Variants in FGFR4 observed in about 807,000 individuals in gnomAD.
The protein encoded by FGFR4 is hydroxyaryl-protein kinase.
A neutral mutation model predicts 89.9 loss-of-function variants in FGFR4; 63 were observed. The observed-to-expected ratio is 0.70, with a 90% CI of 0.57 to 0.86. The LOEUF (loss-of-function observed/expected upper bound fraction) is 0.86. Ranked by LOEUF, FGFR4 falls within the 40% of genes least tolerant of loss-of-function variation. FGFR4 has a pLI of 0.00. For missense variants in FGFR4, 928 were observed against 1,106.7 expected, an observed-to-expected ratio of 0.84 and a Z score of 2.29; for synonymous variants, 486 against 479.4, an observed-to-expected ratio of 1.01 and a Z score of -0.18.
At position 177,096,726 on chromosome 5, in the gene FGFR4, A is replaced by G. The variant is rs780050403; in HGVS notation, c.2138A>G (p.His713Arg). Residue 713 changes from histidine (H) to arginine (R), a missense_variant, in exon 16 of 18, where the codon CAC (histidine) becomes CGC (arginine). Transcript: ENST00000292408. ...GGACATCGGATGGACCGACCCCCAC[A>G]CTGCCCCCCAGAGCTGTGAGGCCTC... ...REGHRMDRPPHCPPELYGLMR... is the reference protein window; with the variant it reads ...REGHRMDRPPRCPPELYGLMR... 11 of 1,583,474 alleles carry G rather than the reference A, an allele frequency of 6.9e-6. No homozygotes were observed. The East Asian group carries it at 2.5e-4, about 35-fold the overall frequency.
chr5:177,093,392 C>G lies in FGFR4; in HGVS notation c.1252-14C>G. Reference sequence around the variant, plus strand: ...CTGACTCCAGCAGGCAGAACCAAGTCTCCCACTTTGCAGTTCTCCCTGGAG... The same window carrying G: ...CTGACTCCAGCAGGCAGAACCAAGTGTCCCACTTTGCAGTTCTCCCTGGAG... On this transcript the variant is annotated splice_polypyrimidine_tract_variant and intron_variant, in intron 9 of 17. Coordinates refer to ENST00000292408, the MANE Select transcript of FGFR4 (RefSeq NM_213647.3). This position sits in a 1 kb window ranked among gnomAD's most constrained non-coding sequence, Gnocchi z 5.8. 1 of 1,614,086 alleles carries G rather than the reference C, an allele frequency of 6.2e-7. No homozygotes were observed. Among genetic ancestry groups the G allele is most frequent in the Non-Finnish European group, 8.5e-7 (1 of 1,179,932 alleles).
intron 8 of FGFR4, 176 bp from the exon 9 acceptor site, chr5:177,092,962 G>A (rs576367362): frequency 8.0e-5 from 103 of 1,281,086 alleles, no homozygotes; most frequent in South Asian, 6.9e-4. Context: ...ACACGTGGCC[G>A]TCCATGTGAC....
rs899749434 is a variant in FGFR4, at chr5:177,090,940, C to A, written c.439C>A (p.Pro147Thr). ...AGGGGCCTTCCCCTGCCCTCCAGCA[C>A]CCTACTGGACACACCCCCAGCGCAT... The part of the protein sequence containing the change: ...SNRHSYPQQA[P>T]YWTHPQRMEK... Residue 147 changes from proline (P) to threonine (T), a missense_variant and splice_region_variant, in exon 5 of 18, where the codon CCC becomes ACC. Physicochemically the swap from Pro to Thr is conservative, Grantham distance 38. This residue lies in a region of FGFR4 where 741 missense variants were observed against 836.9 expected (regional missense o/e 0.89). Coordinates refer to ENST00000292408, the MANE Select transcript of FGFR4 (RefSeq NM_213647.3). The A allele has an allele frequency of 1.2e-6, 2 of 1,613,992 alleles. No homozygotes were observed. The highest frequency in any genetic ancestry group is 1.7e-5 in the Admixed American group (1 of 60,002).
rs1030279061 is a variant in FGFR4 at position 177,093,730 on chromosome 5, G to C, written c.1474G>C (p.Ala492Pro). ...VRAEAFGMDPARPDQASTVAV... is the reference protein window; with the variant it reads ...VRAEAFGMDPPRPDQASTVAV... ...TGCAGAGGCCTTTGGCATGGACCCT[G>C]CCCGGCCTGACCAAGCCAGCACTGT... is the stretch of plus-strand genomic sequence containing the variant. Residue 492 changes from alanine to proline, a missense_variant, in exon 11 of 18, where the codon GCC becomes CCC. Coordinates refer to ENST00000292408, the MANE Select transcript of FGFR4 (RefSeq NM_213647.3). The surrounding 1 kb of genome is among the most constrained non-coding windows in gnomAD (Gnocchi z 5.8). 2 of 1,613,970 alleles carry C rather than the reference G, an allele frequency of 1.2e-6. No homozygotes were observed. The highest frequency in any genetic ancestry group is 1.7e-6 in the Non-Finnish European group (2 of 1,180,008).
At position 177,096,361 on chromosome 5, in the gene FGFR4, A is replaced by C. The variant is rs1463016424; in HGVS notation, c.2015+4A>C. The C allele has an allele frequency of 1.2e-6, 2 of 1,613,898 alleles. No homozygotes were observed. The highest frequency in any genetic ancestry group is 2.2e-5 in the South Asian group (2 of 91,076). On this transcript the variant is annotated splice_donor_region_variant and intron_variant, in intron 15 of 17. Transcript: ENST00000292408. ...TGTACACACACCAGAGTGACGTGTG[A>C]GTCCTGCCGGCGGTCACTGTCCTAC...
chr5:177,089,747 G>C, intron 2 of FGFR4, 54 bp downstream of exon 2: 1 of 1,593,168 alleles, frequency 6.3e-7, no homozygotes, highest in Non-Finnish European at 8.6e-7. Flanking sequence ...TGGGCACCAG[G>C]AGGGGGCTGC....
chr5:177,096,309 TG>T lies in FGFR4; in HGVS notation c.1969del (p.Ala657ArgfsTer65). On this transcript the variant is annotated frameshift_variant, in exon 15 of 18. Transcript: ENST00000292408. LOFTEE classifies it high-confidence loss of function. ...TSNGRLPVKWMAPEALFDRVY... is the reference protein window; with the variant it reads ...TSNGRLPVKWXAPEALFDRVY... Reference sequence around the variant, plus strand: ...CAGGGCCGCCTGCCTGTGAAGTGGATGGCGCCCGAGGCCTTGTTTGACCGGG... The same window carrying T: ...CAGGGCCGCCTGCCTGTGAAGTGGATGCGCCCGAGGCCTTGTTTGACCGGG... 6.2e-7 allele frequency: 1 copy of T among 1,614,070 alleles called. No individual in the cohort carries two copies.
chr5:177,095,289 G>A lies in FGFR4; in HGVS notation c.1520-41G>A. 6.4e-7 allele frequency: 1 copy of A among 1,551,108 alleles called. No homozygotes were observed. The highest frequency in any genetic ancestry group is 8.9e-7 in the Non-Finnish European group (1 of 1,123,032). The stretch of plus-strand genomic sequence containing the variant: ...CTGCCTCTGCATGCTCCCTCGTGCA[G>A]TTGGAGGGCAGCCTCTTCACCCCGT... On this transcript the variant is annotated intron_variant, in intron 11 of 17. Coordinates refer to ENST00000292408, the MANE Select transcript of FGFR4 (RefSeq NM_213647.3). This position sits in a 1 kb window ranked among gnomAD's most constrained non-coding sequence, Gnocchi z 5.7.
In FGFR4 at chr5:177,096,637, C is replaced by T. The variant is rs2149739170; in HGVS notation, c.2049C>T (p.Phe683=). 1.2e-6 allele frequency: 2 copies of T among 1,613,560 alleles called. No homozygotes were observed. The highest frequency in any genetic ancestry group is 2.7e-5 in the African/African-American group (2 of 75,004). Reference sequence around the variant, plus strand: ...TTGGGATCCTGCTATGGGAGATCTTCACCCTCGGGGGCTCCCCGTATCCTG... The same window carrying T: ...TTGGGATCCTGCTATGGGAGATCTTTACCCTCGGGGGCTCCCCGTATCCTG... ...WSFGILLWEI[F]TLGGSPYPGI... Residue 683 remains phenylalanine, a synonymous_variant, in exon 16 of 18, where the codon TTC becomes TTT. Coordinates refer to ENST00000292408, the MANE Select transcript of FGFR4 (RefSeq NM_213647.3).
At chr5:177,096,581 C>A (rs976287628) in intron 15 of FGFR4, 23 bp from the exon 16 acceptor site, 3 of 1,612,898 alleles carry the variant, frequency 1.9e-6, no homozygotes, top group Non-Finnish European at 8.5e-7. Context: ...CTGAGCCACA[C>A]TGAGCCCTGG....
intron 4 of FGFR4, 49 bp downstream of exon 4, chr5:177,090,874 A>G (rs888774380): frequency 2.5e-6 from 4 of 1,613,926 alleles, no homozygotes; most frequent in Non-Finnish European, 3.4e-6. Context: ...TCATCTGATC[A>G]CTGAGAAGAG....
Position 177,093,855 on chromosome 5 carries a change from C to A in FGFR4, c.1519+80C>A. 3 of 1,491,692 alleles carry A rather than the reference C, an allele frequency of 2.0e-6. No homozygotes were observed. Among genetic ancestry groups the A allele is most frequent in the East Asian group, 2.4e-5 (1 of 41,684 alleles). 92.4% of individuals were successfully genotyped at this position (1,491,692 alleles called of 1,614,324 possible). On this transcript the variant is annotated intron_variant, in intron 11 of 17. Transcript: ENST00000292408. This position sits in a 1 kb window ranked among gnomAD's most constrained non-coding sequence, Gnocchi z 5.8. Reference sequence around the variant, plus strand: ...CTGAGGGTGGGAGGATCGCTTGAATCCAGGAATTCGAGGCCAGCCTGGGCA... The same window carrying A: ...CTGAGGGTGGGAGGATCGCTTGAATACAGGAATTCGAGGCCAGCCTGGGCA...
chr5:177,089,734 G>A, intron 2 of FGFR4, 41 bp downstream of exon 2: 2 of 1,603,134 alleles, frequency 1.2e-6, no homozygotes, highest in Non-Finnish European at 1.7e-6. Flanking sequence ...GGGGTGGGAA[G>A]AGTGGGCACC....
At chr5:177,089,753 G>T in intron 2 of FGFR4, 60 bp downstream of exon 2, 1 of 1,581,416 alleles carries the variant, frequency 6.3e-7, no homozygotes, top group Non-Finnish European at 8.6e-7. Context: ...CCAGGAGGGG[G>T]CTGCTGGGCT....
chr5:177,090,304 C>T, intron 2 of FGFR4, 86 bp from the exon 3 acceptor site: 1 of 1,586,032 alleles, frequency 6.3e-7, no homozygotes, highest in South Asian at 1.1e-5. Flanking sequence ...GTGCTTGTGC[C>T]CTGCATGTGC....
In FGFR4 at chr5:177,091,759, A is replaced by G; in HGVS notation, c.678A>G (p.Val226=). Residue 226 remains valine (V), a synonymous_variant, in exon 6 of 18, where the codon GTA becomes GTG. Coordinates refer to ENST00000292408, the MANE Select transcript of FGFR4 (RefSeq NM_213647.3). The part of the protein sequence containing the change: ...PSDRGTYTCL[V]ENAVGSIRYN... The stretch of plus-strand genomic sequence containing the variant: ...ACCGCGGCACATACACCTGCCTGGT[A>G]GAGAACGCTGTGGGCAGCATCCGCT... 1 of 1,614,220 alleles carries G rather than the reference A, an allele frequency of 6.2e-7. No individual in the cohort carries two copies. Among genetic ancestry groups the G allele is most frequent in the East Asian group, 2.2e-5 (1 of 44,888 alleles).
Position 177,087,431 on chromosome 5 carries a change from C to A in FGFR4, c.-54+354C>A, listed in dbSNP as rs895679270. The A allele has an allele frequency of 4.3e-5, 10 of 233,900 alleles. No homozygotes were observed. The South Asian group carries it at 6.3e-4, about 15-fold the overall frequency. The allele number at this position is 233,900 out of a possible 1,614,324, so 14.5% of individuals were successfully genotyped here. A position where few individuals can be genotyped will look rare whatever the true frequency, so the allele number is the denominator to read the frequency against. ...GTCCCTGCGGCTGTCTTCGCGCCGG[C>A]GGCAGAGATGAGGGACCTGAGGCCC... is the stretch of plus-strand genomic sequence containing the variant. On this transcript the variant is annotated intron_variant, in intron 1 of 17. Transcript: ENST00000292408. This position sits in a 1 kb window ranked among gnomAD's most constrained non-coding sequence, Gnocchi z 6.1.
In FGFR4 at chr5:177,093,747, C is replaced by T. The variant is rs759411211; in HGVS notation, c.1491C>T (p.Ala497=). 20 of 1,613,396 alleles carry T rather than the reference C, an allele frequency of 1.2e-5. No individual in the cohort carries two copies. The highest frequency in any genetic ancestry group is 1.7e-5 in the Non-Finnish European group (20 of 1,179,846). The part of the protein sequence containing the change: ...FGMDPARPDQ[A]STVAVKMLKD... Reference sequence around the variant, plus strand: ...TGGACCCTGCCCGGCCTGACCAAGCCAGCACTGTGGCCGTCAAGATGCTCA... The same window carrying T: ...TGGACCCTGCCCGGCCTGACCAAGCTAGCACTGTGGCCGTCAAGATGCTCA... The change falls in exon 11 of 18, where the codon GCC becomes GCT. Residue 497 remains alanine (A), a synonymous_variant. Transcript: ENST00000292408. The surrounding 1 kb of genome is among the most constrained non-coding windows in gnomAD (Gnocchi z 5.8).
chr5:177,091,523 G>C (rs1379264299), intron 5 of FGFR4, among the ~76,000 whole-genome samples, 162 bp from the exon 6 acceptor site: 1 of 152,234 alleles, frequency 6.6e-6, no homozygotes, highest in Non-Finnish European at 1.5e-5. Flanking sequence ...GCCCTGGGGA[G>C]CCTACTCCTT....
Sources: allele counts gnomAD v4.1 joint callset (sites outside exome capture counted in the v4.1 genomes callset), GRCh38; gene constraint gnomAD v4.1.1; regional missense constraint gnomAD v4.1.1; non-coding constraint Gnocchi (gnomAD v3.1); transcripts MANE v1.5; gene names NCBI Gene and HGNC (gene_info 2026-07-23, HGNC 2026-07-21).